Variants in GALNT13 observed in about 807,000 individuals in gnomAD.
The protein encoded by GALNT13 is polypeptide N-acetylgalactosaminyltransferase 13, also known as UDP-GalNAc:polypeptide N-acetylgalactosaminyltransferase 13.
Under a neutral mutation model 64.2 loss-of-function variants are expected in GALNT13, and 28 were observed. The ratio of observed to expected loss-of-function variants is 0.44; its 90% CI spans 0.32 to 0.60. The LOEUF is 0.60. Ranked by LOEUF, GALNT13 falls within the 20% of genes least tolerant of loss-of-function variation. The probability of loss-of-function intolerance (pLI) is 0.05; values close to 1 mark genes in which losing one functional copy is unlikely to be tolerated. For missense variants in GALNT13, 577 were observed against 669.8 expected (o/e 0.86, Z 1.53); for synonymous variants, 214 against 224.6 (o/e 0.95, Z 0.42).
At chr2:153,123,084 A>G in the GALNT13 span, among the ~76,000 whole-genome samples, 2 of 152,084 alleles carry the variant, frequency 1.3e-5, no homozygotes, top group Non-Finnish European at 2.9e-5. Context: ...CCATACGAAG[A>G]TACAGAAGAC....
chr2:153,637,317 A>G, the GALNT13 span, among the ~76,000 whole-genome samples: 1 of 152,162 alleles, frequency 6.6e-6, no homozygotes, highest in African/African-American at 2.4e-5. Flanking sequence ...ACTGCAATCT[A>G]TCACATGATC....
At chr2:154,004,365 C>T (rs556173598) in intron 3 of GALNT13, among the ~76,000 whole-genome samples, 1 of 152,098 alleles carries the variant, frequency 6.6e-6, no homozygotes, top group East Asian at 2.0e-4. Context: ...ATCGCCACGC[C>T]CAGCTAATTT....
chr2:154,294,032 T>A (rs1029777169), intron 8 of GALNT13, among the ~76,000 whole-genome samples: 5 of 152,218 alleles, frequency 3.3e-5, no homozygotes, highest in African/African-American at 1.2e-4. Context: ...TTTGTGCAAA[T>A]TTTGAGGAGA....
At chr2:153,895,623 A>G (rs1415114203) in intron 1 of GALNT13, among the ~76,000 whole-genome samples, 2 of 152,104 alleles carry the variant, frequency 1.3e-5, no homozygotes, top group Non-Finnish European at 2.9e-5. Context: ...TGTCATGACT[A>G]TAACTGGCTG....
the GALNT13 span, among the ~76,000 whole-genome samples, chr2:153,082,957 T>G: frequency 1.3e-5 from 2 of 151,616 alleles, no homozygotes; most frequent in African/African-American, 4.8e-5. Flanking sequence ...GCCTCCCAAG[T>G]GTCTGGGATT....
intron 9 of GALNT13, among the ~76,000 whole-genome samples, chr2:154,337,961 C>G (rs540080000): frequency 6.6e-6 from 1 of 152,084 alleles, no homozygotes; most frequent in African/African-American, 2.4e-5. Flanking sequence ...CCTAGACTTG[C>G]AGCAAGTTAT....
At chr2:153,551,413 A>G in the GALNT13 span, among the ~76,000 whole-genome samples, 61 of 152,216 alleles carry the variant, frequency 4.0e-4, no homozygotes, top group African/African-American at 1.5e-3. Context: ...AATAGACCGT[A>G]TGGAGACCAG....
chr2:153,487,418 C>A, the GALNT13 span, among the ~76,000 whole-genome samples: 3 of 152,234 alleles, frequency 2.0e-5, no homozygotes, highest in Admixed American at 6.5e-5. Flanking sequence ...AACCATTTCT[C>A]TTTTCCCTCC....
the GALNT13 span, among the ~76,000 whole-genome samples, chr2:153,349,502 G>C: frequency 6.6e-6 from 1 of 152,150 alleles, no homozygotes; most frequent in African/African-American, 2.4e-5. Flanking sequence ...GGAATTAGTA[G>C]CTTTCATTTA....
At chr2:153,126,137 T>G in the GALNT13 span, among the ~76,000 whole-genome samples, 2,027 of 151,860 alleles carry the variant, frequency 0.013, 27 homozygotes, top group Non-Finnish European at 0.019. Context: ...CAATAAATCT[T>G]TAATAATTTT....
At chr2:154,187,060 C>T (rs953020300) in intron 4 of GALNT13, among the ~76,000 whole-genome samples, 1 of 151,960 alleles carries the variant, frequency 6.6e-6, no homozygotes, top group African/African-American at 2.4e-5. Flanking sequence ...TTTTATCCCT[C>T]TTACAGACTC....
intron 8 of GALNT13, among the ~76,000 whole-genome samples, chr2:154,274,303 C>T (rs1387500588): frequency 6.6e-6 from 1 of 152,100 alleles, no homozygotes; most frequent in Non-Finnish European, 1.5e-5. Context: ...CTAAGACATT[C>T]ATGGAAGAAT....
At chr2:153,773,286 G>A in the GALNT13 span, among the ~76,000 whole-genome samples, 2 of 152,198 alleles carry the variant, frequency 1.3e-5, no homozygotes, top group African/African-American at 2.4e-5. Flanking sequence ...TAGGTCGGGT[G>A]GGCTTTGAGG....
the GALNT13 span, among the ~76,000 whole-genome samples, chr2:153,698,610 C>A: frequency 6.6e-6 from 1 of 152,140 alleles, no homozygotes; most frequent in Non-Finnish European, 1.5e-5. Context: ...TACAGACCTA[C>A]AAAGAGACTT....
intron 3 of GALNT13, among the ~76,000 whole-genome samples, chr2:154,123,246 T>G (rs1402430744): frequency 6.6e-6 from 1 of 151,988 alleles, no homozygotes; most frequent in Non-Finnish European, 1.5e-5. Context: ...CAGAGATGCA[T>G]AGGTATGCTA....
chr2:153,583,779 C>T, the GALNT13 span, among the ~76,000 whole-genome samples: 6 of 152,136 alleles, frequency 3.9e-5, no homozygotes, highest in Admixed American at 2.0e-4. Flanking sequence ...TCCTGGGAAC[C>T]AGCAGTGTCA....
chr2:153,887,174 T>C (rs1687239666), intron 1 of GALNT13, among the ~76,000 whole-genome samples: 1 of 151,896 alleles, frequency 6.6e-6, no homozygotes, highest in Non-Finnish European at 1.5e-5. Context: ...ATGAGCTAGA[T>C]ATTCTCATCC....
At chr2:154,150,083 T>G (rs1479162007) in intron 4 of GALNT13, among the ~76,000 whole-genome samples, 1 of 152,234 alleles carries the variant, frequency 6.6e-6, no homozygotes, top group Non-Finnish European at 1.5e-5. Context: ...ATAGCTCTTA[T>G]TATTTTGAGA....
the GALNT13 span, among the ~76,000 whole-genome samples, chr2:153,230,105 G>A: frequency 6.6e-6 from 1 of 152,198 alleles, no homozygotes; most frequent in Non-Finnish European, 1.5e-5. Context: ...CGTGTGCTGG[G>A]TGGCTATGTG....
Sources: allele counts gnomAD v4.1 joint callset (sites outside exome capture counted in the v4.1 genomes callset), GRCh38; gene constraint gnomAD v4.1.1; transcripts MANE v1.5; gene names NCBI Gene and HGNC (gene_info 2026-07-23, HGNC 2026-07-21).